Variants in MYO18B observed in about 807,000 individuals in gnomAD.
The protein encoded by MYO18B is unconventional myosin-XVIIIb.
Under a neutral mutation model 273.0 loss-of-function variants are expected in MYO18B, and 204 were observed. That is an observed-to-expected ratio of 0.75 (90% CI 0.67 to 0.84). The LOEUF (loss-of-function observed/expected upper bound fraction) is 0.84. Ranked by LOEUF, MYO18B falls within the 40% of genes least tolerant of loss-of-function variation. The pLI is 0.00. For synonymous variants in MYO18B, 1,330 were observed against 1,305.7 expected, an observed-to-expected ratio of 1.02 and a Z score of -0.40; for missense variants, 3,212 against 3,287.6, an observed-to-expected ratio of 0.98 and a Z score of 0.56.
intron 11 of MYO18B, among the ~76,000 whole-genome samples, chr22:25,787,272 GCACACACACACACA>G (rs10598069): frequency 4.0e-4 from 54 of 136,708 alleles, no homozygotes; most frequent in African/African-American, 6.4e-4. Context: ...GCAGGCGCGC[GCACACACACACACA>G]CACACACACA....
intron 31 of MYO18B, among the ~76,000 whole-genome samples, chr22:25,905,396 G>A (rs1239634080): frequency 6.6e-6 from 1 of 152,190 alleles, no homozygotes; most frequent in African/African-American, 2.4e-5. Flanking sequence ...TGCTGAGGGT[G>A]CAATTGCAAA....
intron 36 of MYO18B, 28 bp downstream of exon 36, chr22:25,947,856 G>A: frequency 6.4e-7 from 1 of 1,569,146 alleles, no homozygotes; most frequent in Admixed American, 1.7e-5. Context: ...GGTGGAAGAA[G>A]CTCAGGGACT....
Position 25,868,377 on chromosome 22 carries a change from C to A in MYO18B, c.3943C>A (p.His1315Asn). The A allele has an allele frequency of 6.3e-7, 1 of 1,597,776 alleles. No individual in the cohort carries two copies. Among genetic ancestry groups the A allele is most frequent in the African/African-American group, 1.3e-5 (1 of 74,806 alleles). ...DLEKKAVAVG[H>N]SQVFLKAGVI... is the part of the protein sequence containing the mutation. Reference sequence around the variant, plus strand: ...GGAAAAGAAGGCGGTGGCTGTGGGGCACAGCCAAGTGAGTAGAGCTGCTTT... The same window carrying A: ...GGAAAAGAAGGCGGTGGCTGTGGGGAACAGCCAAGTGAGTAGAGCTGCTTT... The change falls in exon 22 of 44, where the codon CAC becomes AAC. Residue 1315 changes from histidine to asparagine, a missense_variant. Physicochemically the swap from His to Asn is moderately conservative, Grantham distance 68. Coordinates refer to ENST00000335473, the MANE Select transcript of MYO18B (RefSeq NM_032608.7).
chr22:25,880,152 C>G (rs888624059), intron 25 of MYO18B, among the ~76,000 whole-genome samples: 6 of 152,130 alleles, frequency 3.9e-5, no homozygotes, highest in African/African-American at 7.2e-5. Context: ...TGTAGACTTT[C>G]AGGACTGGGG....
In MYO18B at chr22:25,855,709, G is replaced by A. The variant is rs1201439907; in HGVS notation, c.3885+4130G>A. On this transcript the variant is annotated intron_variant, in intron 21 of 43. Coordinates refer to ENST00000335473, the MANE Select transcript of MYO18B (RefSeq NM_032608.7). ...ACTATTGCAAATGGTGCTGCAGTGA[G>A]CATACATGTGCATGTGTCTTTATAA... Among the ~76,000 whole-genome samples the A allele has an allele frequency of 3.3e-5, 5 of 152,130 alleles. No homozygotes were observed. In the East Asian group the frequency reaches 9.6e-4, roughly 29 times the overall value.
At position 26,026,940 on chromosome 22, in the gene MYO18B, G is replaced by A; in HGVS notation, c.6966G>A (p.Arg2322=). Reference sequence around the variant, plus strand: ...AAGGGGCCGCTGGTGGTCTCTTGAGGTCCACCAGCCTCAAATGCATCTCTT... The same window carrying A: ...AAGGGGCCGCTGGTGGTCTCTTGAGATCCACCAGCCTCAAATGCATCTCTT... ...EIEGAAGGLL[R]STSLKCISSD... The change falls in exon 43 of 44, where the codon AGG becomes AGA. Residue 2322 remains arginine (R), a synonymous_variant. Transcript: ENST00000335473. The A allele has an allele frequency of 3.7e-6, 6 of 1,613,724 alleles. No homozygotes were observed. The highest frequency in any genetic ancestry group is 4.2e-6 in the Non-Finnish European group (5 of 1,179,818).
intron 14 of MYO18B, 39 bp from the exon 15 acceptor site, chr22:25,828,737 T>G: frequency 6.3e-7 from 1 of 1,581,806 alleles, no homozygotes; most frequent in South Asian, 1.1e-5. Context: ...CTAGATTCCA[T>G]GCCATCTCAG....
rs367982269 is a variant in MYO18B, at chr22:25,955,247, C to T, written c.6039C>T (p.Ser2013=). The change falls in exon 39 of 44, where the codon TCC becomes TCT. Residue 2013 remains serine, a synonymous_variant. Transcript: ENST00000335473. ...MGEELSQAAT[S]ESQQRESSQY... is the part of the protein sequence containing the mutation. ...AGGAGCTTTCACAGGCGGCCACCTC[C>T]GAGTCCCAGCAGCGGGAGAGCAGCC... 4.7e-5 allele frequency: 76 copies of T among 1,613,506 alleles called. No individual in the cohort carries two copies. Among genetic ancestry groups the T allele is most frequent in the African/African-American group, 6.7e-5 (5 of 74,900 alleles).
intron 7 of MYO18B, among the ~76,000 whole-genome samples, chr22:25,773,173 G>A (rs1434824773): frequency 2.6e-5 from 4 of 152,176 alleles, no homozygotes; most frequent in African/African-American, 9.7e-5. Flanking sequence ...TGAAGCGTGG[G>A]CCCCTTCATT....
In MYO18B at chr22:26,026,446, A is replaced by G; in HGVS notation, c.6472A>G (p.Ile2158Val). Residue 2158 changes from isoleucine (I) to valine (V), a missense_variant and splice_region_variant, in exon 43 of 44, where the codon ATA (isoleucine) becomes GTA (valine). Ile to Val is a conservative substitution (Grantham distance 29). Coordinates refer to ENST00000335473, the MANE Select transcript of MYO18B (RefSeq NM_032608.7). ...ATSSRILSPRINEEAGDTERT... is the reference protein window; with the variant it reads ...ATSSRILSPRVNEEAGDTERT... ...ACTGCATTTTTCTTCTTGGCACAGGATAAACGAAGAGGCTGGGGACACTGA... is the reference window on the plus strand; with the variant it reads ...ACTGCATTTTTCTTCTTGGCACAGGGTAAACGAAGAGGCTGGGGACACTGA... 1 of 1,604,612 alleles carries G rather than the reference A, an allele frequency of 6.2e-7. No individual in the cohort carries two copies. The highest frequency in any genetic ancestry group is 8.5e-7 in the Non-Finnish European group (1 of 1,174,770).
intron 11 of MYO18B, among the ~76,000 whole-genome samples, chr22:25,793,325 C>A (rs1018251382): frequency 2.0e-5 from 3 of 152,184 alleles, no homozygotes; most frequent in African/African-American, 7.2e-5. Context: ...GCCGTGAACT[C>A]CTTGGCTCAA....
Position 25,744,961 on chromosome 22 carries a change from C to T in MYO18B, c.-110+2668C>T, listed in dbSNP as rs116793768. ...GGGCCAAGATCAGCCCCTGCTGTCA[C>T]GGCTGGTGTTCAGGGAGCAACCACG... On this transcript the variant is annotated intron_variant, in intron 1 of 43. Transcript: ENST00000335473. Among the ~76,000 whole-genome samples, 8 of 151,970 alleles carry T rather than the reference C, an allele frequency of 5.3e-5. No individual in the cohort carries two copies. The East Asian group carries it at 5.8e-4, about 11-fold the overall frequency.
Position 25,781,841 on chromosome 22 carries a change from A to C in MYO18B, c.2312+7A>C. 6.5e-7 allele frequency: 1 copy of C among 1,541,154 alleles called. No individual in the cohort carries two copies. Among genetic ancestry groups the C allele is most frequent in the Non-Finnish European group, 8.7e-7 (1 of 1,146,958 alleles). On this transcript the variant is annotated splice_region_variant and intron_variant, in intron 10 of 43. Coordinates refer to ENST00000335473, the MANE Select transcript of MYO18B (RefSeq NM_032608.7). ...GATTGGACTTGGATCTCAGGTGAGCACTTGGGGCAGGAAGAGACAGCTGAG... is the reference window on the plus strand; with the variant it reads ...GATTGGACTTGGATCTCAGGTGAGCCCTTGGGGCAGGAAGAGACAGCTGAG...
chr22:25,826,576 C>G lies in MYO18B; in HGVS notation c.2786+77C>G. Reference sequence around the variant, plus strand: ...TGAATTCACATACCGGGCAGTTGAACAAAGTGGCAGTTTTTGAGCTGGCGA... The same window carrying G: ...TGAATTCACATACCGGGCAGTTGAAGAAAGTGGCAGTTTTTGAGCTGGCGA... On this transcript the variant is annotated intron_variant, in intron 14 of 43. Transcript: ENST00000335473. 4 of 1,333,772 alleles carry G rather than the reference C, an allele frequency of 3.0e-6. No homozygotes were observed. In the South Asian group the frequency reaches 5.0e-5, roughly 17 times the overall value. 82.6% of individuals were successfully genotyped at this position (1,333,772 alleles called of 1,614,324 possible). A position where few individuals can be genotyped will look rare whatever the true frequency, so the allele number is the denominator to read the frequency against.
rs898378398 is a variant in MYO18B, at chr22:25,921,267, G to A, written c.5375G>A (p.Arg1792Gln). ...IGTLCDQIGH[R>Q]DFDVEKRLRR... Reference sequence around the variant, plus strand: ...CCCTTTGGCTTTCAGATTGGCCATCGGGACTTTGATGTGGAGAAGCGACTT... The same window carrying A: ...CCCTTTGGCTTTCAGATTGGCCATCAGGACTTTGATGTGGAGAAGCGACTT... Residue 1792 changes from arginine to glutamine, a missense_variant, in exon 34 of 44, where the codon CGG (arginine) becomes CAG (glutamine). Physicochemically the swap from Arg to Gln is conservative, Grantham distance 43. Coordinates refer to ENST00000335473, the MANE Select transcript of MYO18B (RefSeq NM_032608.7). 3.9e-6 allele frequency: 6 copies of A among 1,551,750 alleles called. No homozygotes were observed. The highest frequency in any genetic ancestry group is 1.7e-4 in the Middle Eastern group (1 of 5,988).
At chr22:25,903,134 T>C in intron 30 of MYO18B, 1 of 201,178 alleles carries the variant, frequency 5.0e-6, no homozygotes, top group Non-Finnish European at 1.0e-5. Context: ...CCTTTTGTGG[T>C]TCTCTACTAC....
chr22:26,003,253 G>GC lies in MYO18B; in HGVS notation c.6288-10dup. On this transcript the variant is annotated splice_polypyrimidine_tract_variant and intron_variant, in intron 40 of 43. Coordinates refer to ENST00000335473, the MANE Select transcript of MYO18B (RefSeq NM_032608.7). ...ACGAGGATAACACACTCTTTCTTGTGCCTCTTACTAGTGTCCAGACGGCAG... is the reference window on the plus strand; with the variant it reads ...ACGAGGATAACACACTCTTTCTTGTGCCCTCTTACTAGTGTCCAGACGGCAG... The GC allele has an allele frequency of 6.2e-7, 1 of 1,606,258 alleles. No individual in the cohort carries two copies.
chr22:26,006,560 T>G (rs527957029), intron 42 of MYO18B: 1 of 198,828 alleles, frequency 5.0e-6, no homozygotes, highest in East Asian at 1.3e-4. Flanking sequence ...GTCAACGTTT[T>G]TAGAACAACA....
chr22:25,909,881 T>A (rs1025627696), intron 32 of MYO18B, among the ~76,000 whole-genome samples: 3 of 152,172 alleles, frequency 2.0e-5, no homozygotes, highest in Non-Finnish European at 2.9e-5. Flanking sequence ...GAGAGGACAC[T>A]AACTCCTCTA....
Sources: gnomAD v4.1 joint callset for allele counts (sites outside exome capture counted in the v4.1 genomes callset) on GRCh38, gnomAD v4.1.1 for gene constraint, MANE v1.5 for transcripts, NCBI Gene and HGNC (gene_info 2026-07-23, HGNC 2026-07-21) for gene names.